PTPN2: variants seen among roughly 807,000 people sequenced by gnomAD.
The protein encoded by PTPN2 is protein tyrosine phosphatase non-receptor type 2, also known as tyrosine-protein phosphatase non-receptor type 2.
In PTPN2, 19 loss-of-function variants were observed where a neutral mutation model predicts 57.3. That is an observed-to-expected ratio of 0.33 (90% CI 0.23 to 0.49). PTPN2 has a LOEUF of 0.49. Among genes scored for constraint, PTPN2 ranks in the 20% least tolerant of loss-of-function variants. The probability of loss-of-function intolerance (pLI) is 0.99; values close to 1 mark genes in which losing one functional copy is unlikely to be tolerated. For missense variants in PTPN2, 358 were observed against 501.1 expected (o/e 0.71, Z 2.73); for synonymous variants, 153 against 164.9 (o/e 0.93, Z 0.55).
chr18:12,826,104 T>G (rs1184894834), intron 4 of PTPN2, among the ~76,000 whole-genome samples, 160 bp from the exon 5 acceptor site: 1 of 152,218 alleles, frequency 6.6e-6, no homozygotes, highest in Non-Finnish European at 1.5e-5. Context: ...TGTATTTTAG[T>G]AAGATTGAAA....
At chr18:12,789,130 C>A (rs555116933), downstream of PTPN2, among the ~76,000 whole-genome samples, 1 of 152,266 alleles carries the variant, frequency 6.6e-6, no homozygotes, top group Admixed American at 6.5e-5. Flanking sequence ...AGGCATGTCA[C>A]CCCTTATACA....
At chr18:12,865,580 G>A (rs757980515) in intron 1 of PTPN2, among the ~76,000 whole-genome samples, 33 of 151,894 alleles carry the variant, frequency 2.2e-4, no homozygotes, top group Non-Finnish European at 3.7e-4. Flanking sequence ...CTGCTGAGGT[G>A]GGCAGATTGC....
chr18:12,883,284 ACACGCTAT>A (rs2044726921), intron 1 of PTPN2, among the ~76,000 whole-genome samples: 1 of 152,192 alleles, frequency 6.6e-6, no homozygotes, highest in Admixed American at 6.5e-5. Flanking sequence ...AAAGAGAATG[ACACGCTAT>A]CACTGGACGA....
At chr18:12,876,325 G>A (rs1423257626) in intron 1 of PTPN2, among the ~76,000 whole-genome samples, 2 of 48,912 alleles carry the variant, frequency 4.1e-5, no homozygotes, top group East Asian at 1.4e-3. Context: ...AAATTTGTCA[G>A]GCGTGGTGGT....
At chr18:12,854,932 C>G (rs569177595) in intron 2 of PTPN2, among the ~76,000 whole-genome samples, 1 of 152,288 alleles carries the variant, frequency 6.6e-6, no homozygotes, top group Admixed American at 6.5e-5. Context: ...GGGCCAATCA[C>G]TTGAGATCAG....
intron 1 of PTPN2, among the ~76,000 whole-genome samples, chr18:12,867,714 C>G (rs2044041022): frequency 6.6e-6 from 1 of 152,204 alleles, no homozygotes; most frequent in African/African-American, 2.4e-5. Flanking sequence ...TCGCACACCT[C>G]TTTCCTGAGT....
At chr18:12,860,618 C>T (rs1299736909) in intron 1 of PTPN2, among the ~76,000 whole-genome samples, 2 of 151,486 alleles carry the variant, frequency 1.3e-5, no homozygotes, top group African/African-American at 2.4e-5. Context: ...AAAAATTAGC[C>T]AAGCCTGGTG....
intron 5 of PTPN2, among the ~76,000 whole-genome samples, chr18:12,824,621 T>C (rs987308005): frequency 6.6e-6 from 1 of 152,204 alleles, no homozygotes; most frequent in African/African-American, 2.4e-5. Context: ...TACTCTCATT[T>C]CATTATTTTC....
chr18:12,840,806 C>G, intron 2 of PTPN2: 1 of 1,598,398 alleles, frequency 6.3e-7, no homozygotes, highest in Non-Finnish European at 8.5e-7. Flanking sequence ...TTGCTGACAT[C>G]ACCTTTTCAC....
chr18:12,829,187 T>C (rs1288211561), intron 4 of PTPN2, among the ~76,000 whole-genome samples: 1 of 151,650 alleles, frequency 6.6e-6, no homozygotes, highest in Admixed American at 6.6e-5. Flanking sequence ...TGTGAGCCAC[T>C]GCACCCAGCC....
downstream of PTPN2, among the ~76,000 whole-genome samples, chr18:12,791,513 C>G (rs963059027): frequency 7.9e-5 from 12 of 152,148 alleles, no homozygotes; most frequent in Admixed American, 2.0e-4. Context: ...AAGGCAGCCA[C>G]GTCTGTCTCT....
chr18:12,845,957 T>C (rs963527811), intron 2 of PTPN2, among the ~76,000 whole-genome samples: 1 of 152,206 alleles, frequency 6.6e-6, no homozygotes, highest in Non-Finnish European at 1.5e-5. Flanking sequence ...GTCCCAATAA[T>C]GTCCTTTAAA....
intron 3 of PTPN2, among the ~76,000 whole-genome samples, chr18:12,834,969 C>A (rs1197028654): frequency 6.6e-6 from 1 of 152,098 alleles, no homozygotes; most frequent in Non-Finnish European, 1.5e-5. Flanking sequence ...CCACACATGT[C>A]CAAGCCCCAC....
At chr18:12,811,783 TA>T (rs1264579267) in intron 7 of PTPN2, among the ~76,000 whole-genome samples, 1 of 152,210 alleles carries the variant, frequency 6.6e-6, no homozygotes, top group Non-Finnish European at 1.5e-5. Flanking sequence ...TACATTTCAC[TA>T]AACTATAACC....
chr18:12,879,247 T>TCC (rs2044590865), intron 1 of PTPN2, among the ~76,000 whole-genome samples: 1 of 152,120 alleles, frequency 6.6e-6, no homozygotes, highest in Non-Finnish European at 1.5e-5. Flanking sequence ...CAAGTGATCC[T>TCC]CCCACCTCAG....
intron 1 of PTPN2, among the ~76,000 whole-genome samples, chr18:12,870,245 TACTTA>T (rs1219423905): frequency 7.2e-6 from 1 of 138,106 alleles, no homozygotes; most frequent in Non-Finnish European, 1.5e-5. Flanking sequence ...AGGAATCCAG[TACTTA>T]ACTTTAGCAT....
intron 1 of PTPN2, among the ~76,000 whole-genome samples, chr18:12,868,235 G>A (rs761110802): frequency 6.6e-5 from 10 of 151,978 alleles, no homozygotes; most frequent in Admixed American, 1.3e-4. Context: ...TGTCATAGTT[G>A]TTGTTTTTTG....
At position 12,792,286 on chromosome 18, in the gene PTPN2, T is replaced by G; in HGVS notation, c.*1992A>C. 1 of 908,012 alleles carries G rather than the reference T, an allele frequency of 1.1e-6. No individual in the cohort carries two copies. The highest frequency in any genetic ancestry group is 1.3e-6 in the Non-Finnish European group (1 of 760,220). 56.2% of individuals were successfully genotyped at this position (908,012 alleles called of 1,614,324 possible). ...TCTATACCAATGGTTTTCAAACTTT[T>G]TTTTTTTTTTTTTTTGAGACGAAGT... On this transcript the variant is annotated 3_prime_UTR_variant, in exon 9 of 9. Coordinates refer to ENST00000309660, the MANE Select transcript of PTPN2 (RefSeq NM_002828.4).
At chr18:12,805,173 G>C (rs2041594220) in intron 7 of PTPN2, among the ~76,000 whole-genome samples, 1 of 151,950 alleles carries the variant, frequency 6.6e-6, no homozygotes, top group Admixed American at 6.6e-5. Flanking sequence ...ATTCAACATA[G>C]CGGCTGGGCG....
Sources: gnomAD v4.1 joint callset for allele counts (sites outside exome capture counted in the v4.1 genomes callset) on GRCh38, gnomAD v4.1.1 for gene constraint, MANE v1.5 for transcripts, NCBI Gene and HGNC (gene_info 2026-07-23, HGNC 2026-07-21) for gene names.